The following LRATD1 variants were observed in gnomAD, a reference collection of about 807,000 sequenced individuals.
The protein encoded by LRATD1 is protein LRATD1.
Under a neutral mutation model 21.3 loss-of-function variants are expected in LRATD1, and 8 were observed. The observed-to-expected ratio is 0.38, with a 90% CI of 0.22 to 0.68. The LOEUF is 0.68. Among genes scored for constraint, LRATD1 ranks in the 30% least tolerant of loss-of-function variants. The pLI is 0.54. For synonymous variants in LRATD1, 210 were observed against 186.2 expected (o/e 1.13, Z -1.04); for missense variants, 380 against 404.0 (o/e 0.94, Z 0.51).
chr2:14,647,184 A>C (rs1296119272), intron 4 of LRATD1, among the ~76,000 whole-genome samples: 1 of 152,220 alleles, frequency 6.6e-6, no homozygotes, highest in African/African-American at 2.4e-5. Flanking sequence ...CAATCAGCAG[A>C]CATTAGCTGA....
rs1048033206 is a variant in LRATD1, at chr2:14,635,167, T to G, written c.*309T>G. The G allele has an allele frequency of 6.1e-6, 4 of 652,770 alleles. No homozygotes were observed. In the African/African-American group the frequency reaches 7.2e-5, roughly 12 times the overall value. The allele number at this position is 652,770 out of a possible 1,614,324, so 40.4% of individuals were successfully genotyped here. ...TGTAAACCGGGAACGGGGAAGGGGC[T>G]GAGGGGAGAAAGGACATGGCCTTCC... On this transcript the variant is annotated 3_prime_UTR_variant, in exon 2 of 2. Transcript: ENST00000295092.
chr2:14,637,239 CCTT>C lies in LRATD1; in HGVS notation c.*2385_*2387del, dbSNP rs543151116. 2.3e-4 allele frequency: 38 copies of C among 167,104 alleles called. No homozygotes were observed. Among genetic ancestry groups the C allele is most frequent in the Admixed American group, 7.2e-4 (11 of 15,314 alleles). 10.4% of individuals were successfully genotyped at this position (167,104 alleles called of 1,614,324 possible). On this transcript the variant is annotated 3_prime_UTR_variant, in exon 2 of 2. Coordinates refer to ENST00000295092, the MANE Select transcript of LRATD1 (RefSeq NM_145175.4). Reference sequence around the variant, plus strand: ...CTTAAGCACTTGTTCCTGCAGGACTCCTTCTTGACATTTTGTCTCCCCCTTCAA... The same window carrying C: ...CTTAAGCACTTGTTCCTGCAGGACTCCTTGACATTTTGTCTCCCCCTTCAA...
rs1671673055 is a variant in LRATD1, at chr2:14,635,644, G to C, written c.*786G>C. On this transcript the variant is annotated 3_prime_UTR_variant, in exon 2 of 2. Coordinates refer to ENST00000295092, the MANE Select transcript of LRATD1 (RefSeq NM_145175.4). Reference sequence around the variant, plus strand: ...GGGAGGAAGATGGCGCTGCGAATTCGGTGAGGACAGCCGGCCCCGCCCCCG... The same window carrying C: ...GGGAGGAAGATGGCGCTGCGAATTCCGTGAGGACAGCCGGCCCCGCCCCCG... 2 of 470,532 alleles carry C rather than the reference G, an allele frequency of 4.3e-6. No individual in the cohort carries two copies. Among genetic ancestry groups the C allele is most frequent in the Non-Finnish European group, 8.8e-6 (2 of 226,710 alleles). The allele number at this position is 470,532 out of a possible 1,614,324, so 29.1% of individuals were successfully genotyped here.
chr2:14,633,898 G>T lies in LRATD1; in HGVS notation c.-36-46G>T. 6.6e-7 allele frequency: 1 copy of T among 1,507,934 alleles called. No homozygotes were observed. The highest frequency in any genetic ancestry group is 1.4e-5 in the African/African-American group (1 of 72,896). The allele number at this position is 1,507,934 out of a possible 1,614,324, so 93.4% of individuals were successfully genotyped here. A position where few individuals can be genotyped will look rare whatever the true frequency, so the allele number is the denominator to read the frequency against. On this transcript the variant is annotated intron_variant, in intron 1 of 1. Coordinates refer to ENST00000295092, the MANE Select transcript of LRATD1 (RefSeq NM_145175.4). The surrounding 1 kb of genome is among the most constrained non-coding windows in gnomAD (Gnocchi z 7.5). ...GTCTTGGGGAGGGACACCGAAAGGG[G>T]CAGCCCGGACTCTGACGGTGTCTCT...
intron 4 of LRATD1, among the ~76,000 whole-genome samples, chr2:14,647,505 A>G (rs908368113): frequency 1.2e-4 from 19 of 152,038 alleles, no homozygotes; most frequent in Admixed American, 1.2e-3. Context: ...CCCCAAATCC[A>G]TATGTTGAAA....
intron 4 of LRATD1, among the ~76,000 whole-genome samples, chr2:14,647,322 T>G (rs1671912948): frequency 6.6e-6 from 1 of 152,156 alleles, no homozygotes; most frequent in South Asian, 2.1e-4. Context: ...TCTTACTTAT[T>G]TTTTAACCCC....
At position 14,635,169 on chromosome 2, in the gene LRATD1, AG is replaced by A. The variant is rs772615511; in HGVS notation, c.*315del. 8.3e-5 allele frequency: 54 copies of A among 650,352 alleles called. No homozygotes were observed. The highest frequency in any genetic ancestry group is 1.5e-4 in the Non-Finnish European group (50 of 342,270). The allele number at this position is 650,352 out of a possible 1,614,324, so 40.3% of individuals were successfully genotyped here. ...TAAACCGGGAACGGGGAAGGGGCTG[AG>A]GGGAGAAAGGACATGGCCTTCCCCG... On this transcript the variant is annotated 3_prime_UTR_variant, in exon 2 of 2. Coordinates refer to ENST00000295092, the MANE Select transcript of LRATD1 (RefSeq NM_145175.4).
At chr2:14,641,977 C>T (rs914336000), downstream of LRATD1, 7 of 152,180 alleles carry the variant, frequency 4.6e-5, no homozygotes, top group African/African-American at 1.7e-4. Flanking sequence ...CCTAGGTCTA[C>T]TGGGGAAGGC....
At chr2:14,650,587 G>A (rs760304808), downstream of LRATD1, 1 of 151,964 alleles carries the variant, frequency 6.6e-6, no homozygotes, top group South Asian at 2.1e-4. Flanking sequence ...AATTTTAATT[G>A]TATTCACACA....
At position 14,637,190 on chromosome 2, in the gene LRATD1, G is replaced by T. The variant is rs1389826849; in HGVS notation, c.*2332G>T. 1.8e-5 allele frequency: 3 copies of T among 166,830 alleles called. No homozygotes were observed. Among genetic ancestry groups the T allele is most frequent in the African/African-American group, 7.3e-5 (3 of 41,378 alleles). The allele number at this position is 166,830 out of a possible 1,614,324, so 10.3% of individuals were successfully genotyped here. On this transcript the variant is annotated 3_prime_UTR_variant, in exon 2 of 2. Coordinates refer to ENST00000295092, the MANE Select transcript of LRATD1 (RefSeq NM_145175.4). ...TACTGTGTCCTACTACTGTATCTTGGCTCCCTGCTGTATTAAACACCATCT... is the reference window on the plus strand; with the variant it reads ...TACTGTGTCCTACTACTGTATCTTGTCTCCCTGCTGTATTAAACACCATCT...
At chr2:14,643,826 A>G (rs897652884), downstream of LRATD1, among the ~76,000 whole-genome samples, 11 of 152,128 alleles carry the variant, frequency 7.2e-5, no homozygotes, top group Non-Finnish European at 1.6e-4. Flanking sequence ...CAGCCCCTAA[A>G]CTATGTCAAA....
downstream of LRATD1, among the ~76,000 whole-genome samples, chr2:14,651,888 G>A (rs1035022509): frequency 5.9e-5 from 9 of 151,902 alleles, no homozygotes; most frequent in African/African-American, 2.2e-4. Context: ...TTGTAAGTTG[G>A]TGATAAATTT....
Position 14,633,783 on chromosome 2 carries a change from T to A in LRATD1, c.-36-161T>A. 1 of 689,740 alleles carries A rather than the reference T, an allele frequency of 1.4e-6. No homozygotes were observed. Among genetic ancestry groups the A allele is most frequent in the Non-Finnish European group, 2.4e-6 (1 of 418,094 alleles). The allele number at this position is 689,740 out of a possible 1,614,324, so 42.7% of individuals were successfully genotyped here. A position where few individuals can be genotyped will look rare whatever the true frequency, so the allele number is the denominator to read the frequency against. On this transcript the variant is annotated intron_variant, in intron 1 of 1. Transcript: ENST00000295092. The surrounding 1 kb of genome is among the most constrained non-coding windows in gnomAD (Gnocchi z 7.5). ...CCTGTGGCGGCTTCTCCGCCCCTCG[T>A]ACCCCTGGGGAGGCACGGAGGACTC...
chr2:14,635,072 G>A lies in LRATD1; in HGVS notation c.*214G>A, dbSNP rs1458304050. ...CCCAGGGCCGAAAGGGCGCCGCTGC[G>A]AGCGCCTGGCTGACAGCCACAGCGG... is the stretch of plus-strand genomic sequence containing the variant. On this transcript the variant is annotated 3_prime_UTR_variant, in exon 2 of 2. Transcript: ENST00000295092. 4 of 764,544 alleles carry A rather than the reference G, an allele frequency of 5.2e-6. No individual in the cohort carries two copies. Among genetic ancestry groups the A allele is most frequent in the Non-Finnish European group, 9.1e-6 (4 of 437,670 alleles). 47.4% of individuals were successfully genotyped at this position (764,544 alleles called of 1,614,324 possible).
chr2:14,634,048 G>T lies in LRATD1; in HGVS notation c.69G>T (p.Gly23=), dbSNP rs764128301. 20 of 1,614,006 alleles carry T rather than the reference G, an allele frequency of 1.2e-5. No individual in the cohort carries two copies. The highest frequency in any genetic ancestry group is 1.5e-5 in the Non-Finnish European group (18 of 1,180,032). The part of the protein sequence containing the change: ...YSELPTGDPS[G]IEKDELRVGV... ...AGTTGCCCACAGGGGACCCGTCGGG[G>T]ATTGAAAAGGACGAACTGCGGGTCG... Residue 23 remains glycine, a synonymous_variant, in exon 2 of 2, where the codon GGG becomes GGT. Coordinates refer to ENST00000295092, the MANE Select transcript of LRATD1 (RefSeq NM_145175.4).
rs749115879 is a variant in LRATD1, at chr2:14,635,600, G to A, written c.*742G>A. 4 of 470,882 alleles carry A rather than the reference G, an allele frequency of 8.5e-6. No individual in the cohort carries two copies. The East Asian group carries it at 2.8e-4, about 33-fold the overall frequency. The allele number at this position is 470,882 out of a possible 1,614,324, so 29.2% of individuals were successfully genotyped here. A position where few individuals can be genotyped will look rare whatever the true frequency, so the allele number is the denominator to read the frequency against. ...CTGCGAGTCTCCCTCGCTGGCAGAA[G>A]GGAAGCCGGCCCGGTCCCGGGAGGA... is the stretch of plus-strand genomic sequence containing the variant. On this transcript the variant is annotated 3_prime_UTR_variant, in exon 2 of 2. Coordinates refer to ENST00000295092, the MANE Select transcript of LRATD1 (RefSeq NM_145175.4).
In LRATD1 at chr2:14,634,976, GC is replaced by G; in HGVS notation, c.*120del. 1 of 1,335,706 alleles carries G rather than the reference GC, an allele frequency of 7.5e-7. No homozygotes were observed. The highest frequency in any genetic ancestry group is 1.0e-6 in the Non-Finnish European group (1 of 984,594). The allele number at this position is 1,335,706 out of a possible 1,614,324, so 82.7% of individuals were successfully genotyped here. ...CTGCCCCGCCCCGCCACGCGCGTCC[GC>G]CGCCGGTGGCCCGGGCCCGGGCTGC... On this transcript the variant is annotated 3_prime_UTR_variant, in exon 2 of 2. Transcript: ENST00000295092.
At position 14,638,350 on chromosome 2, in the gene LRATD1, T is replaced by C. The variant is rs1246659637; in HGVS notation, c.*3492T>C. The C allele has an allele frequency of 6.0e-6, 1 of 166,894 alleles. No individual in the cohort carries two copies. The highest frequency in any genetic ancestry group is 1.5e-5 in the Non-Finnish European group (1 of 68,078). 10.3% of individuals were successfully genotyped at this position (166,894 alleles called of 1,614,324 possible). On this transcript the variant is annotated 3_prime_UTR_variant, in exon 2 of 2. Transcript: ENST00000295092. ...ACAGTATTTTTTAAAAATAATAACG[T>C]ATATTATAGTTACGAAACACTTGTG...
At chr2:14,650,650 A>C (rs996749201), downstream of LRATD1, 3 of 152,182 alleles carry the variant, frequency 2.0e-5, no homozygotes, top group Non-Finnish European at 4.4e-5. Flanking sequence ...TAGCATCACC[A>C]ATGTCAATAT....
Sources: allele counts gnomAD v4.1 joint callset (sites outside exome capture counted in the v4.1 genomes callset), GRCh38; gene constraint gnomAD v4.1.1; non-coding constraint Gnocchi (gnomAD v3.1); transcripts MANE v1.5; gene names NCBI Gene and HGNC (gene_info 2026-07-23, HGNC 2026-07-21).